EGF: variants seen among roughly 807,000 people sequenced by gnomAD.
The protein encoded by EGF is pro-epidermal growth factor.
A neutral mutation model predicts 143.8 loss-of-function variants in EGF; 95 were observed. That is an observed-to-expected ratio of 0.66 (90% confidence interval 0.56 to 0.78). The LOEUF (loss-of-function observed/expected upper bound fraction) is 0.78. Ranked by LOEUF, EGF falls within the 30% of genes least tolerant of loss-of-function variation. The pLI is 0.00. For missense variants in EGF, 1,320 were observed against 1,470.9 expected, an observed-to-expected ratio of 0.90 and a Z score of 1.68; for synonymous variants, 510 against 510.5, an observed-to-expected ratio of 1.00 and a Z score of 0.01.
At chr4:109,949,900 G>A (rs530548594) in intron 5 of EGF, among the ~76,000 whole-genome samples, 1 of 152,308 alleles carries the variant, frequency 6.6e-6, no homozygotes, top group Non-Finnish European at 1.5e-5. Flanking sequence ...GTCTGGTTCT[G>A]GAGGAGCTTC....
intron 1 of EGF, 68 bp downstream of exon 1, chr4:109,913,530 T>C: frequency 1.9e-6 from 3 of 1,586,780 alleles, no homozygotes; most frequent in Non-Finnish European, 2.6e-6. Context: ...GTTGGTTCAA[T>C]CTGGTATACT....
At chr4:109,926,701 A>G (rs1738735938) in intron 1 of EGF, among the ~76,000 whole-genome samples, 1 of 152,208 alleles carries the variant, frequency 6.6e-6, no homozygotes, top group Admixed American at 6.5e-5. Context: ...ACAAGTGTTT[A>G]ACAATTTTTG....
intron 5 of EGF, chr4:109,959,016 A>C (rs1745248828): frequency 5.4e-6 from 2 of 371,000 alleles, no homozygotes; most frequent in South Asian, 5.6e-5. Flanking sequence ...TTTGTGATAA[A>C]AGTACATTAG....
At chr4:109,980,464 G>A (rs41402448) in intron 14 of EGF, among the ~76,000 whole-genome samples, 1,711 of 152,266 alleles carry the variant, frequency 0.011, 19 homozygotes, top group Middle Eastern at 0.048. Context: ...ATACCCCTGA[G>A]GAGTGAGCAA....
At chr4:109,960,735 A>C in intron 6 of EGF, 132 bp from the exon 7 acceptor site, 2 of 1,037,030 alleles carry the variant, frequency 1.9e-6, no homozygotes, top group Non-Finnish European at 2.9e-6. Context: ...GAGTATGGAA[A>C]ACAGACTTTC....
intron 23 of EGF, among the ~76,000 whole-genome samples, chr4:110,008,657 C>G (rs6854247): frequency 0.027 from 4,125 of 152,266 alleles, 200 homozygotes; most frequent in African/African-American, 0.092. Flanking sequence ...TTAAGTTGAT[C>G]TGAGGATTGT....
rs760507781 is a variant in EGF, at chr4:109,993,272, G to A, written c.2760G>A (p.Glu920=). 244 of 1,613,682 alleles carry A rather than the reference G, an allele frequency of 1.5e-4. No homozygotes were observed. Among genetic ancestry groups the A allele is most frequent in the Admixed American group, 3.0e-4 (18 of 59,990 alleles). The part of the protein sequence containing the change: ...CLDIDECQLG[E]HSCGENASCT... ...ATATTGATGAGTGCCAACTGGGGGA[G>A]CACAGCTGTGGAGAGAATGCCAGCT... Residue 920 remains glutamate, a synonymous_variant, in exon 19 of 24, where the codon GAG becomes GAA. Transcript: ENST00000265171.
At chr4:109,967,882 G>T (rs1746861744) in intron 10 of EGF, among the ~76,000 whole-genome samples, 1 of 151,974 alleles carries the variant, frequency 6.6e-6, no homozygotes, top group Non-Finnish European at 1.5e-5. Context: ...ACATAGAAAA[G>T]GTACAGTAAA....
chr4:109,978,745 T>C (rs983488100), intron 13 of EGF, among the ~76,000 whole-genome samples: 2 of 152,178 alleles, frequency 1.3e-5, no homozygotes, highest in Admixed American at 1.3e-4. Flanking sequence ...TTCACCATGA[T>C]AAAAAAGAAC....
intron 8 of EGF, 21 bp downstream of exon 8, chr4:109,962,006 T>G (rs771076482): frequency 6.2e-7 from 1 of 1,613,182 alleles, no homozygotes; most frequent in East Asian, 2.2e-5. Flanking sequence ...TTGCTTTATT[T>G]ACCTTTTGTT....
At chr4:109,977,290 C>T (rs1748650150) in intron 13 of EGF, 2 of 152,006 alleles carry the variant, frequency 1.3e-5, no homozygotes, top group African/African-American at 4.8e-5. Flanking sequence ...TATAAGATAC[C>T]TATTTTGCCC....
chr4:109,974,627 A>G (rs190174134), intron 11 of EGF, 76 bp from the exon 12 acceptor site: 1 of 1,091,464 alleles, frequency 9.2e-7, no homozygotes, highest in African/African-American at 1.6e-5. Context: ...TGCATTTCAG[A>G]AAGAGGAGAA....
At position 110,011,775 on chromosome 4, in the gene EGF, C is replaced by A. The variant is rs1346339835; in HGVS notation, c.*320C>A. On this transcript the variant is annotated 3_prime_UTR_variant, in exon 24 of 24. Coordinates refer to ENST00000265171, the MANE Select transcript of EGF (RefSeq NM_001963.6). Reference sequence around the variant, plus strand: ...TAGATTTTTGTTTTTGTTGTTCCTGCAGCCCCAGAAGAAATTAGGGGTTAA... The same window carrying A: ...TAGATTTTTGTTTTTGTTGTTCCTGAAGCCCCAGAAGAAATTAGGGGTTAA... 1 of 377,750 alleles carries A rather than the reference C, an allele frequency of 2.6e-6. No homozygotes were observed. The highest frequency in any genetic ancestry group is 6.1e-5 in the East Asian group (1 of 16,348). 23.4% of individuals were successfully genotyped at this position (377,750 alleles called of 1,614,324 possible).
In EGF at chr4:109,993,319, A is replaced by G. The variant is rs1294773772; in HGVS notation, c.2807A>G (p.Tyr936Cys). 1 of 1,613,830 alleles carries G rather than the reference A, an allele frequency of 6.2e-7. No individual in the cohort carries two copies. The highest frequency in any genetic ancestry group is 1.7e-5 in the Admixed American group (1 of 60,018). Residue 936 changes from tyrosine (Y) to cysteine (C), a missense_variant, in exon 19 of 24, where the codon TAT becomes TGT. This residue lies in a region of EGF where 1,186 missense variants were observed against 1,313.7 expected (regional missense o/e 0.90). Coordinates refer to ENST00000265171, the MANE Select transcript of EGF (RefSeq NM_001963.6). ...NASCTNTEGG[Y>C]TCMCAGRLSE... Reference sequence around the variant, plus strand: ...AGCTGCACAAATACAGAGGGAGGCTATACCTGCATGTGTGCTGGACGCCTG... The same window carrying G: ...AGCTGCACAAATACAGAGGGAGGCTGTACCTGCATGTGTGCTGGACGCCTG...
chr4:109,922,353 C>T (rs971285880), intron 1 of EGF, among the ~76,000 whole-genome samples: 2 of 151,414 alleles, frequency 1.3e-5, no homozygotes, highest in African/African-American at 2.5e-5. Context: ...GATTTCAATC[C>T]ATTAAAAAGC....
chr4:109,937,165 C>T (rs1740974263), intron 1 of EGF, among the ~76,000 whole-genome samples: 1 of 151,904 alleles, frequency 6.6e-6, no homozygotes, highest in African/African-American at 2.4e-5. Context: ...GTGTGGGAGT[C>T]TAAGTCTCTT....
intron 5 of EGF, among the ~76,000 whole-genome samples, chr4:109,958,815 G>T (rs1004087639): frequency 6.6e-6 from 1 of 151,322 alleles, no homozygotes; most frequent in African/African-American, 2.4e-5. Context: ...CTACTTAGGA[G>T]GCCAAGGCAG....
chr4:109,913,448 A>G lies in EGF; in HGVS notation c.113A>G (p.Asn38Ser), dbSNP rs1736053213. The G allele has an allele frequency of 1.2e-6, 2 of 1,613,678 alleles. No individual in the cohort carries two copies. The highest frequency in any genetic ancestry group is 2.2e-5 in the South Asian group (2 of 91,076). ...CPEGTLAGNG[N>S]STCVGPAPFL... ...GAAGGTACTCTCGCAGGAAATGGGA[A>G]TTCTACTTGTGTGGGTAAGTACTCC... Residue 38 changes from asparagine (N) to serine (S), a missense_variant, in exon 1 of 24, where the codon AAT becomes AGT. Transcript: ENST00000265171.
intron 13 of EGF, chr4:109,977,257 G>C (rs903512645): frequency 2.0e-5 from 3 of 152,126 alleles, no homozygotes; most frequent in African/African-American, 7.2e-5. Context: ...CATTTAGGAA[G>C]AAGCTAACCA....
Sources: gnomAD v4.1 joint callset for allele counts (sites outside exome capture counted in the v4.1 genomes callset) on GRCh38, gnomAD v4.1.1 for gene constraint, gnomAD v4.1.1 regional missense constraint, MANE v1.5 for transcripts, NCBI Gene and HGNC (gene_info 2026-07-23, HGNC 2026-07-21) for gene names.